TM6SF1: variants seen among roughly 807,000 people sequenced by gnomAD.
The protein encoded by TM6SF1 is transmembrane 6 superfamily member 1.
TM6SF1 carries 43 observed loss-of-function variants against 47.1 expected under a neutral mutation model. The ratio of observed to expected loss-of-function variants is 0.91; its 90% CI spans 0.72 to 1.18. The LOEUF (loss-of-function observed/expected upper bound fraction) is 1.18. Among genes scored for constraint, TM6SF1 ranks in the 50% most tolerant of loss-of-function variants. The probability of loss-of-function intolerance (pLI) is 0.00; values close to 1 mark genes in which losing one functional copy is unlikely to be tolerated. For synonymous variants in TM6SF1, 177 were observed against 166.3 expected, an observed-to-expected ratio of 1.06 and a Z score of -0.49; for missense variants, 390 against 449.0, an observed-to-expected ratio of 0.87 and a Z score of 1.19.
intron 7 of TM6SF1, among the ~76,000 whole-genome samples, chr15:83,126,345 G>A (rs2035750523): frequency 6.6e-6 from 1 of 152,172 alleles, no homozygotes; most frequent in South Asian, 2.1e-4. Flanking sequence ...CTGGAGACAG[G>A]AAGGTGCTAT....
In TM6SF1 at chr15:83,136,375, T is replaced by A. The variant is rs1596537774; in HGVS notation, c.922-106T>A. The stretch of plus-strand genomic sequence containing the variant: ...GTATTTTGCCTGCAGGTGAGACTGG[T>A]TTTGAGGGCACAGAAACGTAGCCTG... On this transcript the variant is annotated intron_variant, in intron 9 of 9. Transcript: ENST00000322019. The A allele has an allele frequency of 4.2e-6, 4 of 944,862 alleles. No homozygotes were observed. The East Asian group carries it at 1.1e-4, about 25-fold the overall frequency. 58.5% of individuals were successfully genotyped at this position (944,862 alleles called of 1,614,324 possible). A position where few individuals can be genotyped will look rare whatever the true frequency, so the allele number is the denominator to read the frequency against.
intron 6 of TM6SF1, 109 bp downstream of exon 6, chr15:83,122,987 A>T: frequency 1.6e-6 from 2 of 1,265,946 alleles, no homozygotes; most frequent in Non-Finnish European, 2.2e-6. Context: ...CATTTGGGGC[A>T]TCCAAACAGT....
intron 9 of TM6SF1, chr15:83,128,594 T>G (rs1387265619): frequency 6.6e-6 from 1 of 152,206 alleles, no homozygotes; most frequent in Non-Finnish European, 1.5e-5. Context: ...TTTTCTACCT[T>G]CGGCCCACAC....
chr15:83,107,828 C>A lies in TM6SF1; in HGVS notation c.92+56C>A. ...CGAGGGGCGGCGGGAGTTGGCTCGC[C>A]GCGACGGGAGCCTCGCAACTTTTCC... On this transcript the variant is annotated intron_variant, in intron 1 of 9. Transcript: ENST00000322019. The surrounding 1 kb of genome is among the most constrained non-coding windows in gnomAD (Gnocchi z 5.6). 1 of 1,526,288 alleles carries A rather than the reference C, an allele frequency of 6.6e-7. No homozygotes were observed. Among genetic ancestry groups the A allele is most frequent in the African/African-American group, 1.4e-5 (1 of 69,732 alleles). The allele number at this position is 1,526,288 out of a possible 1,614,324, so 94.5% of individuals were successfully genotyped here. A position where few individuals can be genotyped will look rare whatever the true frequency, so the allele number is the denominator to read the frequency against.
intron 9 of TM6SF1, chr15:83,134,544 T>A (rs2036485391): frequency 6.6e-6 from 1 of 152,200 alleles, no homozygotes; most frequent in Non-Finnish European, 1.5e-5. Context: ...AATGTTGCCA[T>A]GAGTTTGCTG....
intron 9 of TM6SF1, 170 bp from the exon 10 acceptor site, chr15:83,136,311 T>G (rs1227805479): frequency 2.2e-6 from 1 of 464,044 alleles, no homozygotes; most frequent in Non-Finnish European, 3.8e-6. Context: ...CTAAATTTAA[T>G]GAAAGACTCT....
Position 83,121,601 on chromosome 15 carries a change from C to T in TM6SF1, c.399-320C>T, listed in dbSNP as rs577784794. Reference sequence around the variant, plus strand: ...ATTTCTTCTTTCAACTTTCTTTTTCCTTTCATGCTGTTGAGTTTCACACAC... The same window carrying T: ...ATTTCTTCTTTCAACTTTCTTTTTCTTTTCATGCTGTTGAGTTTCACACAC... On this transcript the variant is annotated intron_variant, in intron 4 of 9. Coordinates refer to ENST00000322019, the MANE Select transcript of TM6SF1 (RefSeq NM_023003.5). 6.6e-5 allele frequency among the ~76,000 whole-genome samples: 10 copies of T among 152,136 alleles called. No individual in the cohort carries two copies. The South Asian group carries it at 2.1e-3, about 32-fold the overall frequency.
chr15:83,126,896 T>C, intron 8 of TM6SF1, 49 bp downstream of exon 8: 2 of 1,486,562 alleles, frequency 1.3e-6, no homozygotes, highest in Non-Finnish European at 1.9e-6. Flanking sequence ...ATTTTCTTTT[T>C]AAAAAATGGG....
Position 83,112,499 on chromosome 15 carries a change from A to G in TM6SF1, c.93-298A>G, listed in dbSNP as rs375801685. Among the ~76,000 whole-genome samples, 22 of 152,242 alleles carry G rather than the reference A, an allele frequency of 1.4e-4. 1 individual carries two copies. In the South Asian group the frequency reaches 4.6e-3, roughly 32 times the overall value. On this transcript the variant is annotated intron_variant, in intron 1 of 9. Coordinates refer to ENST00000322019, the MANE Select transcript of TM6SF1 (RefSeq NM_023003.5). ...GTGGGGCAGTGGCCATAGGTGCAGC[A>G]GGGTGGGGTGAGGCAGAGGGAGCTC...
intron 5 of TM6SF1, among the ~76,000 whole-genome samples, chr15:83,122,529 A>T (rs2035367008): frequency 6.6e-6 from 1 of 152,198 alleles, no homozygotes; most frequent in Non-Finnish European, 1.5e-5. Context: ...GTACAGCCAT[A>T]GCTCACTGCA....
intron 9 of TM6SF1, chr15:83,133,153 C>A (rs140147763): frequency 3.9e-5 from 6 of 152,360 alleles, no homozygotes; most frequent in Admixed American, 3.9e-4. Context: ...TGTGATTTGA[C>A]TCTGGATGTC....
intron 3 of TM6SF1, among the ~76,000 whole-genome samples, chr15:83,116,207 C>A (rs8037783): frequency 6.6e-6 from 1 of 152,028 alleles, no homozygotes; most frequent in Non-Finnish European, 1.5e-5. Flanking sequence ...TCCCCTTTAT[C>A]TGTATTTAAT....
intron 9 of TM6SF1, chr15:83,136,272 T>G (rs1242338408): frequency 4.7e-6 from 2 of 424,702 alleles, no homozygotes; most frequent in Non-Finnish European, 8.3e-6. Flanking sequence ...AACAGTCATA[T>G]CAAGAATGGC....
intron 9 of TM6SF1, chr15:83,133,137 T>A (rs1318202674): frequency 1.3e-5 from 2 of 152,252 alleles, no homozygotes; most frequent in Non-Finnish European, 1.5e-5. Flanking sequence ...TGGTTTGTGG[T>A]GGAGCTGTGA....
At chr15:83,109,474 C>A (rs1319135539) in intron 1 of TM6SF1, among the ~76,000 whole-genome samples, 1 of 152,210 alleles carries the variant, frequency 6.6e-6, no homozygotes, top group Non-Finnish European at 1.5e-5. Context: ...CTGGCAAGCA[C>A]TACAGCATTT....
rs572735765 is a variant in TM6SF1, at chr15:83,118,595, A to G, written c.295-983A>G. ...TGATTTGATCTGTGGGAGAGATGAC[A>G]GAGCAGTCCTTGCCCCAGGGGAGCA... is the stretch of plus-strand genomic sequence containing the variant. On this transcript the variant is annotated intron_variant, in intron 3 of 9. Coordinates refer to ENST00000322019, the MANE Select transcript of TM6SF1 (RefSeq NM_023003.5). 2.0e-5 allele frequency among the ~76,000 whole-genome samples: 3 copies of G among 152,318 alleles called. No individual in the cohort carries two copies. The South Asian group carries it at 6.2e-4, about 32-fold the overall frequency.
At chr15:83,110,934 A>G (rs998686722) in intron 1 of TM6SF1, among the ~76,000 whole-genome samples, 3 of 152,148 alleles carry the variant, frequency 2.0e-5, no homozygotes, top group Non-Finnish European at 4.4e-5. Flanking sequence ...GCAGTGGTGC[A>G]ATCTTGGCTC....
chr15:83,115,195 GCAAC>G, intron 2 of TM6SF1: 62 of 165,218 alleles, frequency 3.8e-4, no homozygotes, highest in South Asian at 1.6e-3. Flanking sequence ...TCGGCTCACT[GCAAC>G]CTCCGCCTCC....
At chr15:83,126,712 A>G in intron 7 of TM6SF1, 43 bp from the exon 8 acceptor site, 3 of 1,513,448 alleles carry the variant, frequency 2.0e-6, no homozygotes, top group Non-Finnish European at 2.7e-6. Flanking sequence ...CCTAAGAACC[A>G]GATGTGATTG....
Sources: gnomAD v4.1 joint callset for allele counts (sites outside exome capture counted in the v4.1 genomes callset) on GRCh38, gnomAD v4.1.1 for gene constraint, Gnocchi (gnomAD v3.1) non-coding constraint, MANE v1.5 for transcripts, NCBI Gene and HGNC (gene_info 2026-07-23, HGNC 2026-07-21) for gene names.